Variants in HHAT observed in about 807,000 individuals in gnomAD.
HHAT encodes the protein hedgehog acyltransferase.
HHAT carries 47 observed loss-of-function variants against 70.8 expected under a neutral mutation model. The observed-to-expected ratio is 0.66, with a 90% confidence interval of 0.53 to 0.85. HHAT has a LOEUF of 0.85. Among genes scored for constraint, HHAT ranks in the 40% least tolerant of loss-of-function variants. HHAT has a pLI of 0.00. For synonymous variants in HHAT, 228 were observed against 247.6 expected, an observed-to-expected ratio of 0.92 and a Z score of 0.74; for missense variants, 609 against 604.8, an observed-to-expected ratio of 1.01 and a Z score of -0.07.
intron 7 of HHAT, among the ~76,000 whole-genome samples, chr1:210,458,732 C>T (rs1371347250): frequency 6.6e-6 from 1 of 152,182 alleles, no homozygotes; most frequent in African/African-American, 2.4e-5. Flanking sequence ...GCCTTGGCTT[C>T]TCCTTCCCAT....
intron 8 of HHAT, among the ~76,000 whole-genome samples, chr1:210,484,726 A>G (rs1052914496): frequency 2.0e-5 from 3 of 152,114 alleles, no homozygotes; most frequent in East Asian, 1.9e-4. Context: ...ATTTGTTTCT[A>G]TATTTATTTT....
intron 11 of HHAT, among the ~76,000 whole-genome samples, chr1:210,632,439 G>A (rs61827410): frequency 0.066 from 10,065 of 152,226 alleles, 491 homozygotes; most frequent in Middle Eastern, 0.1. Flanking sequence ...CCAAAGATTG[G>A]TTGGACCAGG....
At chr1:210,593,369 G>A (rs1165721635) in intron 10 of HHAT, among the ~76,000 whole-genome samples, 1 of 152,012 alleles carries the variant, frequency 6.6e-6, no homozygotes. Context: ...GTTTTGGCAT[G>A]TTGTGTATCC....
At chr1:210,420,991 G>A (rs12407099) in intron 7 of HHAT, among the ~76,000 whole-genome samples, 26,171 of 151,956 alleles carry the variant, frequency 0.17, 2,780 homozygotes, top group Middle Eastern at 0.24. Flanking sequence ...TTAATTTGGC[G>A]AAACCAATTT....
At chr1:210,583,810 A>G (rs922382039) in intron 9 of HHAT, among the ~76,000 whole-genome samples, 6 of 152,112 alleles carry the variant, frequency 3.9e-5, no homozygotes, top group Admixed American at 2.0e-4. Context: ...CTGGGCATGT[A>G]ATTTTGGGGC....
intron 9 of HHAT, among the ~76,000 whole-genome samples, chr1:210,513,850 T>C (rs1409644455): frequency 6.6e-6 from 1 of 152,246 alleles, no homozygotes; most frequent in African/African-American, 2.4e-5. Context: ...ATCGTTAAAA[T>C]GCTTGTCAGA....
chr1:210,508,025 C>T (rs1343581156), intron 8 of HHAT, among the ~76,000 whole-genome samples: 1 of 150,802 alleles, frequency 6.6e-6, no homozygotes, highest in Admixed American at 6.6e-5. Flanking sequence ...TGGTGAAACC[C>T]CATCTCTACT....
At chr1:210,483,098 C>G (rs753803285) in intron 8 of HHAT, among the ~76,000 whole-genome samples, 5 of 152,168 alleles carry the variant, frequency 3.3e-5, no homozygotes, top group African/African-American at 1.2e-4. Context: ...GATTTACCAC[C>G]AGTAAATGTA....
At chr1:210,604,871 G>C (rs34023395) in intron 10 of HHAT, among the ~76,000 whole-genome samples, 1 of 152,080 alleles carries the variant, frequency 6.6e-6, no homozygotes, top group African/African-American at 2.4e-5. Context: ...ATAAAAATCA[G>C]CCTGTTGTGA....
At chr1:210,522,810 A>C (rs1040446850) in intron 9 of HHAT, among the ~76,000 whole-genome samples, 6 of 150,694 alleles carry the variant, frequency 4.0e-5, no homozygotes, top group African/African-American at 1.5e-4. Flanking sequence ...GAGTAACAGG[A>C]TTCGAATCCT....
intron 7 of HHAT, among the ~76,000 whole-genome samples, chr1:210,423,716 G>C (rs376260124): frequency 1.3e-5 from 2 of 152,192 alleles, no homozygotes; most frequent in East Asian, 3.9e-4. Flanking sequence ...GATCCATTTT[G>C]AGGGTGAGAG....
chr1:210,353,313 G>C (rs1457492937), intron 2 of HHAT, among the ~76,000 whole-genome samples: 1 of 152,012 alleles, frequency 6.6e-6, no homozygotes, highest in African/African-American at 2.4e-5. Context: ...TGAACGAATT[G>C]ATGCCTCTGC....
chr1:210,420,942 G>T (rs1022327675), intron 7 of HHAT, among the ~76,000 whole-genome samples: 1 of 151,910 alleles, frequency 6.6e-6, no homozygotes, highest in Non-Finnish European at 1.5e-5. Flanking sequence ...AAGTATTGTG[G>T]GCAGTATATT....
intron 11 of HHAT, chr1:210,631,219 C>T (rs998800141): frequency 7.1e-6 from 3 of 424,098 alleles, no homozygotes; most frequent in Non-Finnish European, 1.4e-5. Flanking sequence ...ACTCTTCTCT[C>T]TCTGCTCTGT....
At chr1:210,661,715 G>C (rs947999427) in intron 11 of HHAT, among the ~76,000 whole-genome samples, 3 of 152,332 alleles carry the variant, frequency 2.0e-5, no homozygotes, top group Admixed American at 2.0e-4. Flanking sequence ...GGAATACTAT[G>C]CAGCCATAAA....
chr1:210,422,817 A>C (rs1293987342), intron 7 of HHAT, among the ~76,000 whole-genome samples: 1 of 152,044 alleles, frequency 6.6e-6, no homozygotes, highest in Non-Finnish European at 1.5e-5. Flanking sequence ...TTATATTTTT[A>C]GTAGAGACGG....
chr1:210,378,382 A>G (rs886084352), intron 3 of HHAT, among the ~76,000 whole-genome samples: 2 of 152,218 alleles, frequency 1.3e-5, no homozygotes, highest in Admixed American at 6.5e-5. Context: ...AGAAACATGT[A>G]TAGTATTTCT....
At chr1:210,410,728 G>A (rs1048444316) in intron 6 of HHAT, among the ~76,000 whole-genome samples, 5 of 151,692 alleles carry the variant, frequency 3.3e-5, no homozygotes, top group African/African-American at 7.3e-5. Flanking sequence ...GTTTGACCCT[G>A]TTGGCCAGGC....
At position 210,348,971 on chromosome 1, in the gene HHAT, G is replaced by A; in HGVS notation, c.-5G>A. The A allele has an allele frequency of 6.2e-7, 1 of 1,613,494 alleles. No individual in the cohort carries two copies. Among genetic ancestry groups the A allele is most frequent in the Non-Finnish European group, 8.5e-7 (1 of 1,179,868 alleles). On this transcript the variant is annotated 5_prime_UTR_variant, in exon 2 of 12. Transcript: ENST00000261458. ...AGGCATCGGGAACCTTCGTGCCAAG[G>A]AGCCATGCTGCCCCGATGGGAACTG...
Sources: allele counts gnomAD v4.1 joint callset (sites outside exome capture counted in the v4.1 genomes callset), GRCh38; gene constraint gnomAD v4.1.1; transcripts MANE v1.5; gene names NCBI Gene and HGNC (gene_info 2026-07-23, HGNC 2026-07-21).